The following PPP2R2C variants were observed in gnomAD, a reference collection of about 807,000 sequenced individuals.
The protein encoded by PPP2R2C is protein phosphatase 2, regulatory subunit B, gamma.
Under a neutral mutation model 45.3 loss-of-function variants are expected in PPP2R2C, and 10 were observed. The ratio of observed to expected loss-of-function variants is 0.22; its 90% CI spans 0.14 to 0.37. The LOEUF (loss-of-function observed/expected upper bound fraction) is 0.37, where lower values mean the gene tolerates loss of function less well. Among genes scored for constraint, PPP2R2C ranks in the 10% least tolerant of loss-of-function variants. PPP2R2C has a pLI of 1.00. For synonymous variants in PPP2R2C, 257 were observed against 245.4 expected (o/e 1.05, Z -0.44); for missense variants, 308 against 619.7 (o/e 0.50, Z 5.34).
At chr4:6,449,191 A>G (rs538044401) in intron 1 of PPP2R2C, among the ~76,000 whole-genome samples, 3 of 152,196 alleles carry the variant, frequency 2.0e-5, no homozygotes, top group Non-Finnish European at 4.4e-5. Flanking sequence ...CTTCAGATAC[A>G]CTGGCACAGC....
intron 1 of PPP2R2C, among the ~76,000 whole-genome samples, chr4:6,404,014 T>G (rs540579656): frequency 6.6e-6 from 1 of 152,318 alleles, no homozygotes; most frequent in Admixed American, 6.5e-5. Context: ...CCTAGCTGTG[T>G]GACCTTGTCT....
At position 6,404,680 on chromosome 4, in the gene PPP2R2C, CA is replaced by C. The variant is rs1249892211; in HGVS notation, c.71-23587del. On this transcript the variant is annotated intron_variant, in intron 1 of 8. Coordinates refer to ENST00000382599, the MANE Select transcript of PPP2R2C (RefSeq NM_020416.4). ...TGTGGGCCCAGGAAGCTGTAGTTAACAGATTCCAAGGGGGGTTCTAAGGAGG... is the reference window on the plus strand; with the variant it reads ...TGTGGGCCCAGGAAGCTGTAGTTAACGATTCCAAGGGGGGTTCTAAGGAGG... Among the ~76,000 whole-genome samples, 14 of 152,220 alleles carry C rather than the reference CA, an allele frequency of 9.2e-5. No individual in the cohort carries two copies. In the East Asian group the frequency reaches 2.7e-3, roughly 29 times the overall value.
chr4:6,411,454 G>C (rs1718188447), intron 1 of PPP2R2C, among the ~76,000 whole-genome samples: 1 of 152,192 alleles, frequency 6.6e-6, no homozygotes, highest in South Asian at 2.1e-4. Context: ...GGAAGCCCCT[G>C]CTCCGTGCTA....
chr4:6,395,389 G>T (rs1437246524), intron 1 of PPP2R2C, among the ~76,000 whole-genome samples: 4 of 152,210 alleles, frequency 2.6e-5, no homozygotes, highest in African/African-American at 9.6e-5. Context: ...GCATGTCCAG[G>T]CCCTCCCAGA....
chr4:6,326,575 T>C (rs1246162047), intron 8 of PPP2R2C, among the ~76,000 whole-genome samples: 1 of 152,156 alleles, frequency 6.6e-6, no homozygotes, highest in Non-Finnish European at 1.5e-5. Flanking sequence ...GCAGGATCAC[T>C]GCGGCACCCC....
chr4:6,511,402 A>ACGGTGGTGG (rs1723464329), intron 2 of PPP2R2C, among the ~76,000 whole-genome samples: 1 of 121,250 alleles, frequency 8.2e-6, no homozygotes, highest in African/African-American at 3.2e-5. Context: ...GATGGTGGTG[A>ACGGTGGTGG]TGGTGGTGGT....
At chr4:6,369,230 G>A (rs1035419065) in intron 5 of PPP2R2C, among the ~76,000 whole-genome samples, 5 of 152,170 alleles carry the variant, frequency 3.3e-5, no homozygotes, top group Admixed American at 1.3e-4. Context: ...ACCAAGCCAC[G>A]TTTTAGGCAC....
At chr4:6,529,989 G>T (rs2108821459) in intron 2 of PPP2R2C, among the ~76,000 whole-genome samples, 1 of 152,278 alleles carries the variant, frequency 6.6e-6, no homozygotes, top group East Asian at 1.9e-4. Flanking sequence ...AGTGCTGGGG[G>T]AAGCAGCTGG....
At chr4:6,351,466 G>A (rs982998400) in intron 5 of PPP2R2C, 8 of 592,472 alleles carry the variant, frequency 1.4e-5, no homozygotes, top group Non-Finnish European at 1.7e-5. Context: ...ATAGGCTGGG[G>A]ACACAGAGTC....
intron 2 of PPP2R2C, among the ~76,000 whole-genome samples, chr4:6,520,644 C>T (rs1418289772): frequency 6.6e-6 from 1 of 152,210 alleles, no homozygotes; most frequent in East Asian, 1.9e-4. Flanking sequence ...CCACACTCCC[C>T]AACAGCAGCC....
chr4:6,430,258 C>T (rs1296839181), intron 1 of PPP2R2C, among the ~76,000 whole-genome samples: 1 of 152,164 alleles, frequency 6.6e-6, no homozygotes, highest in Non-Finnish European at 1.5e-5. Context: ...CCATGAAACC[C>T]TAGGTATGAG....
At chr4:6,366,056 AACC>A (rs1221235044) in intron 5 of PPP2R2C, among the ~76,000 whole-genome samples, 1 of 152,234 alleles carries the variant, frequency 6.6e-6, no homozygotes, top group African/African-American at 2.4e-5. Flanking sequence ...ACGGAGTTTT[AACC>A]ATCAGAGATG....
At chr4:6,388,298 C>T (rs981160986) in intron 1 of PPP2R2C, among the ~76,000 whole-genome samples, 1 of 152,206 alleles carries the variant, frequency 6.6e-6, no homozygotes, top group Non-Finnish European at 1.5e-5. Flanking sequence ...GAGGTGGTAT[C>T]CCTAGTGACC....
intron 1 of PPP2R2C, among the ~76,000 whole-genome samples, chr4:6,560,068 G>A (rs1725526158): frequency 1.3e-5 from 2 of 152,268 alleles, no homozygotes; most frequent in African/African-American, 4.8e-5. Flanking sequence ...GGGAACCACA[G>A]GGGAAGCCCA....
intron 4 of PPP2R2C, 31 bp downstream of exon 4, chr4:6,375,788 G>C (rs186033643): frequency 6.6e-7 from 1 of 1,513,440 alleles, no homozygotes; most frequent in African/African-American, 1.4e-5. Flanking sequence ...ATAAAGAGGC[G>C]TGTGCCTGCT....
Position 6,345,858 on chromosome 4 carries a change from C to T in PPP2R2C, c.790+1988G>A, listed in dbSNP as rs562837215. ...TGGTCTCCAGCCTCCCATCAGTCCA[C>T]GGCCACTAACTCCACACTTATCTCC... On this transcript the variant is annotated intron_variant, in intron 6 of 8. Transcript: ENST00000382599. This position sits in a 1 kb window ranked among gnomAD's most constrained non-coding sequence, Gnocchi z 5.3. Among the ~76,000 whole-genome samples, 18 of 152,176 alleles carry T rather than the reference C, an allele frequency of 1.2e-4. No individual in the cohort carries two copies. The highest frequency in any genetic ancestry group is 1.7e-4 in the African/African-American group (7 of 41,436).
chr4:6,382,419 G>C, intron 1 of PPP2R2C: 1 of 1,351,918 alleles, frequency 7.4e-7, no homozygotes, highest in South Asian at 1.1e-5. Context: ...CCCTGTCCCA[G>C]CCTCTGTTCT....
At chr4:6,382,699 A>T (rs1715932754) in intron 1 of PPP2R2C, 1 of 359,760 alleles carries the variant, frequency 2.8e-6, no homozygotes, top group African/African-American at 3.2e-5. Flanking sequence ...ACACACACAC[A>T]CACACACACA....
chr4:6,449,110 C>A (rs1720595736), intron 1 of PPP2R2C, among the ~76,000 whole-genome samples: 1 of 152,206 alleles, frequency 6.6e-6, no homozygotes, highest in South Asian at 2.1e-4. Flanking sequence ...AGGCATCACA[C>A]ACCCAACCAC....
Sources: allele counts gnomAD v4.1 joint callset (sites outside exome capture counted in the v4.1 genomes callset), GRCh38; gene constraint gnomAD v4.1.1; non-coding constraint Gnocchi (gnomAD v3.1); transcripts MANE v1.5; gene names NCBI Gene and HGNC (gene_info 2026-07-23, HGNC 2026-07-21).